The following MS4A7 variants were observed in gnomAD, a reference collection of about 807,000 sequenced individuals.
MS4A7 encodes membrane spanning 4-domains A7.
Under a neutral mutation model 23.5 loss-of-function variants are expected in MS4A7, and 21 were observed. That is an observed-to-expected ratio of 0.89 (90% confidence interval 0.63 to 1.29). The LOEUF (loss-of-function observed/expected upper bound fraction) is 1.29. Ranked by LOEUF, MS4A7 falls within the 50% of genes most tolerant of loss-of-function variation. MS4A7 has a pLI of 0.00. For synonymous variants in MS4A7, 111 were observed against 107.4 expected, an observed-to-expected ratio of 1.03 and a Z score of -0.21; for missense variants, 263 against 274.2, an observed-to-expected ratio of 0.96 and a Z score of 0.29.
At chr11:60,392,619 C>A in intron 5 of MS4A7, 66 bp from the exon 6 acceptor site, 1 of 1,242,368 alleles carries the variant, frequency 8.0e-7, no homozygotes, top group Non-Finnish European at 1.2e-6. Flanking sequence ...ATCGCCCTGT[C>A]TCCTCTTAGC....
intron 4 of MS4A7, among the ~76,000 whole-genome samples, chr11:60,387,356 G>A (rs1369983389): frequency 1.3e-5 from 2 of 152,132 alleles, no homozygotes; most frequent in Non-Finnish European, 2.9e-5. Context: ...CTCTGTGACC[G>A]TGGTAACAAG....
chr11:60,393,301 A>G (rs1464779812), intron 6 of MS4A7, among the ~76,000 whole-genome samples: 1 of 152,190 alleles, frequency 6.6e-6, no homozygotes, highest in African/African-American at 2.4e-5. Flanking sequence ...ATAAAATTAC[A>G]TAGAAAATGA....
chr11:60,391,199 A>C (rs1406801127), intron 5 of MS4A7, among the ~76,000 whole-genome samples: 1 of 152,234 alleles, frequency 6.6e-6, no homozygotes, highest in Non-Finnish European at 1.5e-5. Flanking sequence ...CAACATCCCA[A>C]GAAGTTTCAA....
At chr11:60,387,732 G>T (rs2085507450) in intron 4 of MS4A7, among the ~76,000 whole-genome samples, 1 of 152,192 alleles carries the variant, frequency 6.6e-6, no homozygotes, top group Non-Finnish European at 1.5e-5. Context: ...TGCCCTAAGT[G>T]CATCTAGAAT....
intron 2 of MS4A7, among the ~76,000 whole-genome samples, chr11:60,384,660 A>G (rs186932882): frequency 2.0e-5 from 3 of 152,348 alleles, no homozygotes; most frequent in South Asian, 2.1e-4. Flanking sequence ...TTAAAATCCA[A>G]TGATGAACAA....
chr11:60,389,194 A>C, intron 4 of MS4A7, 196 bp from the exon 5 acceptor site: 1 of 580,610 alleles, frequency 1.7e-6, no homozygotes, highest in East Asian at 2.8e-5. Flanking sequence ...TTCAATAAGC[A>C]TTTACTAATT....
chr11:60,393,557 T>A (rs1460846597), intron 6 of MS4A7, among the ~76,000 whole-genome samples: 5 of 152,202 alleles, frequency 3.3e-5, no homozygotes, highest in Non-Finnish European at 7.3e-5. Flanking sequence ...AAAGAAATGT[T>A]TATAGAATTT....
rs539058646 is a variant in MS4A7, at chr11:60,394,435, A to G, written c.*574A>G. On this transcript the variant is annotated 3_prime_UTR_variant, in exon 7 of 7. Transcript: ENST00000300184. ...AGCAAGCATGTCCCTGCCTCCCATG[A>G]ATCTTACCATGTAAATCCAAATCTC... 6.6e-6 allele frequency: 1 copy of G among 152,574 alleles called. No homozygotes were observed. Among genetic ancestry groups the G allele is most frequent in the Non-Finnish European group, 1.5e-5 (1 of 68,398 alleles). 9.5% of individuals were successfully genotyped at this position (152,574 alleles called of 1,614,324 possible).
chr11:60,381,096 A>G (rs2085424330), intron 1 of MS4A7, among the ~76,000 whole-genome samples: 1 of 152,234 alleles, frequency 6.6e-6, no homozygotes, highest in Non-Finnish European at 1.5e-5. Context: ...CATTCATAGT[A>G]CGTGCCCAAT....
chr11:60,389,180 C>CT, intron 4 of MS4A7: 3 of 561,978 alleles, frequency 5.3e-6, no homozygotes, highest in Non-Finnish European at 6.3e-6. Context: ...CATGCATTTT[C>CT]TTATTCAATA....
intron 6 of MS4A7, 47 bp from the exon 7 acceptor site, chr11:60,393,740 C>T: frequency 6.8e-7 from 1 of 1,464,796 alleles, no homozygotes; most frequent in Non-Finnish European, 9.4e-7. Context: ...CTTTTTTAAT[C>T]TCCGAAATCA....
chr11:60,387,311 C>A (rs879616609), intron 4 of MS4A7, among the ~76,000 whole-genome samples: 4 of 152,210 alleles, frequency 2.6e-5, no homozygotes, highest in Admixed American at 6.5e-5. Flanking sequence ...AAACCCCTTA[C>A]TCCCCAGGCA....
At chr11:60,387,835 G>A (rs1388947903) in intron 4 of MS4A7, among the ~76,000 whole-genome samples, 1 of 152,160 alleles carries the variant, frequency 6.6e-6, no homozygotes, top group African/African-American at 2.4e-5. Flanking sequence ...TGAAGAAGTT[G>A]GAATACCTAC....
chr11:60,392,594 C>T, intron 5 of MS4A7, 91 bp from the exon 6 acceptor site: 2 of 869,704 alleles, frequency 2.3e-6, no homozygotes, highest in Non-Finnish European at 3.7e-6. Flanking sequence ...CTTTTCTCTG[C>T]ATTGCTGGAG....
rs186568276 is a variant in MS4A7, at chr11:60,386,456, C to T, written c.283-261C>T. The T allele has an allele frequency of 1.8e-5, 7 of 393,710 alleles. No individual in the cohort carries two copies. The East Asian group carries it at 2.7e-4, about 15-fold the overall frequency. 24.4% of individuals were successfully genotyped at this position (393,710 alleles called of 1,614,324 possible). On this transcript the variant is annotated intron_variant, in intron 3 of 6. Transcript: ENST00000300184. The stretch of plus-strand genomic sequence containing the variant: ...CTCCTTCCCAGGTACACCTTTTCTC[C>T]AGGCCTCCTCAGTTCCTAGTGATTT...
intron 5 of MS4A7, 140 bp from the exon 6 acceptor site, chr11:60,392,545 A>G: frequency 1.6e-6 from 1 of 615,978 alleles, no homozygotes; most frequent in East Asian, 2.8e-5. Flanking sequence ...AATCTGAAAA[A>G]GAAAGCAGAA....
chr11:60,386,626 A>G lies in MS4A7; in HGVS notation c.283-91A>G, dbSNP rs2085491261. The G allele has an allele frequency of 4.6e-6, 5 of 1,080,326 alleles. No homozygotes were observed. The African/African-American group carries it at 4.7e-5, about 10-fold the overall frequency. The allele number at this position is 1,080,326 out of a possible 1,614,324, so 66.9% of individuals were successfully genotyped here. On this transcript the variant is annotated intron_variant, in intron 3 of 6. Transcript: ENST00000300184. ...GTGTTCTCTCCCTAAAAGTTTTCCA[A>G]CATCACTTTTTGATTGAGTGATTGA...
intron 2 of MS4A7, among the ~76,000 whole-genome samples, chr11:60,384,107 A>G (rs76402001): frequency 0.011 from 1,631 of 152,218 alleles, 76 homozygotes; most frequent in Admixed American, 0.083. Context: ...GGTCCTATTC[A>G]CTGCCTATTT....
At position 60,393,935 on chromosome 11, in the gene MS4A7, C is replaced by A; in HGVS notation, c.*74C>A. 2 of 953,594 alleles carry A rather than the reference C, an allele frequency of 2.1e-6. No individual in the cohort carries two copies. Among genetic ancestry groups the A allele is most frequent in the Non-Finnish European group, 3.1e-6 (2 of 646,214 alleles). The allele number at this position is 953,594 out of a possible 1,614,324, so 59.1% of individuals were successfully genotyped here. A position where few individuals can be genotyped will look rare whatever the true frequency, so the allele number is the denominator to read the frequency against. On this transcript the variant is annotated 3_prime_UTR_variant, in exon 7 of 7. Transcript: ENST00000300184. ...AAGTGTGATTAGACTTTCCTGAAAT[C>A]TCTGCCATTTTAGATACTGTGAAAC...
Sources: allele counts gnomAD v4.1 joint callset (sites outside exome capture counted in the v4.1 genomes callset), GRCh38; gene constraint gnomAD v4.1.1; transcripts MANE v1.5; gene names NCBI Gene and HGNC (gene_info 2026-07-23, HGNC 2026-07-21).